The following ASCC1 variants were observed in gnomAD, a reference collection of about 807,000 sequenced individuals.
ASCC1 encodes the protein ASC-1 complex subunit P50.
Under a neutral mutation model 46.6 loss-of-function variants are expected in ASCC1, and 35 were observed. The observed-to-expected ratio is 0.75, with a 90% CI of 0.57 to 0.99. ASCC1 has a LOEUF of 0.99. Among genes scored for constraint, ASCC1 ranks in the 50% least tolerant of loss-of-function variants. The pLI, the probability that ASCC1 is intolerant of heterozygous loss-of-function variation, is 0.00. For missense variants in ASCC1, 376 were observed against 428.7 expected, an observed-to-expected ratio of 0.88 and a Z score of 1.09; for synonymous variants, 143 against 146.6, an observed-to-expected ratio of 0.98 and a Z score of 0.18.
At chr10:72,168,971 CCTACTT>C (rs1280165606) in intron 5 of ASCC1, among the ~76,000 whole-genome samples, 1 of 152,164 alleles carries the variant, frequency 6.6e-6, no homozygotes, top group Admixed American at 6.5e-5. Flanking sequence ...ACCCAACAAT[CCTACTT>C]CTAGGAATTT....
chr10:72,118,226 G>A (rs1843722412), intron 9 of ASCC1, among the ~76,000 whole-genome samples: 1 of 151,886 alleles, frequency 6.6e-6, no homozygotes, highest in Non-Finnish European at 1.5e-5. Context: ...AACTAGTCGG[G>A]GGTGGTGGCA....
chr10:72,161,776 G>A, intron 5 of ASCC1, 102 bp from the exon 6 acceptor site: 1 of 1,410,488 alleles, frequency 7.1e-7, no homozygotes, highest in South Asian at 1.2e-5. Flanking sequence ...CTACAGCCAA[G>A]TGATTTTCCA....
intron 9 of ASCC1, among the ~76,000 whole-genome samples, chr10:72,126,766 A>C (rs1442544870): frequency 6.6e-6 from 1 of 152,262 alleles, no homozygotes; most frequent in Admixed American, 6.5e-5. Context: ...AGAAAGATTC[A>C]TATCACACCG....
At chr10:72,099,874 T>C (rs577424470) in intron 9 of ASCC1, among the ~76,000 whole-genome samples, 1 of 152,152 alleles carries the variant, frequency 6.6e-6, no homozygotes, top group Admixed American at 6.5e-5. Flanking sequence ...CCTTGTGTGC[T>C]CACTGAGCAG....
intron 9 of ASCC1, among the ~76,000 whole-genome samples, chr10:72,112,395 G>C (rs1843012744): frequency 6.6e-6 from 1 of 152,124 alleles, no homozygotes; most frequent in Non-Finnish European, 1.5e-5. Context: ...ACAGAAACTG[G>C]AGTGGTGGTT....
At chr10:72,201,517 T>A (rs1470561387) in intron 4 of ASCC1, among the ~76,000 whole-genome samples, 13 of 151,770 alleles carry the variant, frequency 8.6e-5, no homozygotes, top group Admixed American at 8.5e-4. Context: ...AGACCCCATC[T>A]CTACAAAAAG....
intron 5 of ASCC1, chr10:72,189,861 A>G (rs1206455245): frequency 1.8e-6 from 1 of 566,590 alleles, no homozygotes; most frequent in African/African-American, 1.9e-5. Flanking sequence ...TTTTATTCCA[A>G]ATGCTTTTAT....
rs2132563690 is a variant in ASCC1, at chr10:72,152,872, T to A, written c.743A>T (p.Asn248Ile). Residue 248 changes from asparagine (N) to isoleucine (I), a missense_variant, in exon 7 of 10, where the codon AAC becomes ATC. Transcript: ENST00000672957. ...AAGAAGCATTCCAGAAATATACCTG[T>A]TGGAGCCATCTTTCATATGGACTTT... is the stretch of plus-strand genomic sequence containing the variant. ...YAKVHMKDGS[N>I]RLQELVDRVL... The A allele has an allele frequency of 6.2e-7, 1 of 1,614,150 alleles. No homozygotes were observed. The highest frequency in any genetic ancestry group is 8.5e-7 in the Non-Finnish European group (1 of 1,180,014).
chr10:72,204,351 A>G, intron 3 of ASCC1: 1 of 1,543,124 alleles, frequency 6.5e-7, no homozygotes, highest in Non-Finnish European at 8.8e-7. Flanking sequence ...TACCCCATGA[A>G]GACGGGACAT....
At chr10:72,192,983 T>C (rs1854775578) in intron 5 of ASCC1, among the ~76,000 whole-genome samples, 1 of 152,166 alleles carries the variant, frequency 6.6e-6, no homozygotes, top group South Asian at 2.1e-4. Flanking sequence ...AGTGATAATA[T>C]CAAATGCTAG....
chr10:72,154,493 GT>G (rs375316111), intron 6 of ASCC1, among the ~76,000 whole-genome samples: 5,790 of 139,720 alleles, frequency 0.041, 163 homozygotes, highest in African/African-American at 0.098. Flanking sequence ...TATGCATAGG[GT>G]TTTTTTTTTT....
At chr10:72,114,155 A>C (rs972485159) in intron 9 of ASCC1, among the ~76,000 whole-genome samples, 1 of 152,240 alleles carries the variant, frequency 6.6e-6, no homozygotes, top group Non-Finnish European at 1.5e-5. Flanking sequence ...GAAATAAAAG[A>C]AAGTTAAATG....
At chr10:72,169,699 A>C (rs1170588585) in intron 5 of ASCC1, among the ~76,000 whole-genome samples, 2 of 152,250 alleles carry the variant, frequency 1.3e-5, no homozygotes, top group Non-Finnish European at 2.9e-5. Context: ...AATGGTCTAC[A>C]TATTCAAACA....
intron 4 of ASCC1, 62 bp from the exon 5 acceptor site, chr10:72,197,051 C>CTG: frequency 1.3e-6 from 2 of 1,529,718 alleles, no homozygotes. Context: ...AAAACAGGAC[C>CTG]TCTTGATACT....
At chr10:72,162,912 C>G (rs1411327170) in intron 5 of ASCC1, among the ~76,000 whole-genome samples, 2 of 147,110 alleles carry the variant, frequency 1.4e-5, no homozygotes, top group African/African-American at 5.4e-5. Context: ...CATTGCACTC[C>G]AGCCTGGGTG....
At chr10:72,153,252 T>C (rs1413009676) in intron 6 of ASCC1, among the ~76,000 whole-genome samples, 2 of 152,250 alleles carry the variant, frequency 1.3e-5, no homozygotes, top group African/African-American at 2.4e-5. Flanking sequence ...TTATTAGCAC[T>C]GTCTCATGAA....
intron 9 of ASCC1, among the ~76,000 whole-genome samples, chr10:72,104,500 GAACTA>G (rs1052490846): frequency 6.6e-5 from 10 of 152,122 alleles, no homozygotes; most frequent in Middle Eastern, 3.2e-3. Context: ...TTTTGAACCT[GAACTA>G]AACATGAAGA....
In ASCC1 at chr10:72,097,118, A is replaced by T; in HGVS notation, c.*216T>A. 1.6e-6 allele frequency: 1 copy of T among 625,978 alleles called. No individual in the cohort carries two copies. Among genetic ancestry groups the T allele is most frequent in the South Asian group, 1.5e-5 (1 of 67,944 alleles). The allele number at this position is 625,978 out of a possible 1,614,324, so 38.8% of individuals were successfully genotyped here. ...AAAGAAAAAAAACCAGAACACACTA[A>T]GGGTTATAGGCACAAATTCTCCTTA... On this transcript the variant is annotated 3_prime_UTR_variant, in exon 10 of 10. Transcript: ENST00000672957.
intron 5 of ASCC1, 128 bp from the exon 6 acceptor site, chr10:72,161,802 A>G (rs1440882779): frequency 4.0e-6 from 4 of 1,004,250 alleles, no homozygotes; most frequent in Non-Finnish European, 6.1e-6. Context: ...TGCCAAGACC[A>G]TTCAATAGAG....
Sources: gnomAD v4.1 joint callset for allele counts (sites outside exome capture counted in the v4.1 genomes callset) on GRCh38, gnomAD v4.1.1 for gene constraint, MANE v1.5 for transcripts, NCBI Gene and HGNC (gene_info 2026-07-23, HGNC 2026-07-21) for gene names.